ELMO3: variants seen among roughly 807,000 people sequenced by gnomAD.
ELMO3 encodes engulfment and cell motility 3, also known as engulfment and cell motility protein 3.
In ELMO3, 81 loss-of-function variants were observed where a neutral mutation model predicts 89.0. That is an observed-to-expected ratio of 0.91 (90% CI 0.76 to 1.09). ELMO3 has a LOEUF of 1.09. ELMO3 is among the 50% of genes least tolerant of loss of function. ELMO3 has a pLI of 0.00. For missense variants in ELMO3, 959 were observed against 972.8 expected, an observed-to-expected ratio of 0.99 and a Z score of 0.19; for synonymous variants, 406 against 400.6, an observed-to-expected ratio of 1.01 and a Z score of -0.16.
Position 67,200,209 on chromosome 16 carries a change from G to T in ELMO3, c.261G>T (p.Gln87His). 6.2e-7 allele frequency: 1 copy of T among 1,613,130 alleles called. No individual in the cohort carries two copies. Among genetic ancestry groups the T allele is most frequent in the Non-Finnish European group, 8.5e-7 (1 of 1,179,598 alleles). Residue 87 changes from glutamine to histidine, a missense_variant, in exon 5 of 20, where the codon CAG becomes CAT. Coordinates refer to ENST00000393997, the MANE Select transcript of ELMO3 (RefSeq NM_024712.5). ...LSTAPDLEAE[Q>H]LLGGLQSNSP... ...CCTGCCAGGACCTTGAGGCTGAGCA[G>T]CTCTTGGGTGGGCTGCAGAGTAACA...
rs769648209 is a variant in ELMO3, at chr16:67,203,779, G to A, written c.2065G>A (p.Glu689Lys). 6.2e-7 allele frequency: 1 copy of A among 1,613,014 alleles called. No homozygotes were observed. Among genetic ancestry groups the A allele is most frequent in the South Asian group, 1.1e-5 (1 of 91,062 alleles). ...CATGGAGACCAAGCTGCGTCTGCTG[G>A]AGCTGGAGAACGTGCCCATCCCCGA... is the stretch of plus-strand genomic sequence containing the variant. The part of the protein sequence containing the change: ...LTMETKLRLL[E>K]LENVPIPERP... Residue 689 changes from glutamate (E) to lysine (K), a missense_variant, in exon 20 of 20, where the codon GAG becomes AAG. Glu to Lys is a moderately conservative substitution (Grantham distance 56). Coordinates refer to ENST00000393997, the MANE Select transcript of ELMO3 (RefSeq NM_024712.5). This position sits in a 1 kb window ranked among gnomAD's most constrained non-coding sequence, Gnocchi z 4.6.
Position 67,203,500 on chromosome 16 carries a change from C to T in ELMO3, c.1867C>T (p.Leu623Phe). ...EKGSGKQNKD[L>F]YELAFSISYD... ...CCCCGCTCCCTTGCTTCCCCAGGAC[C>T]TCTATGAGTTGGCCTTCTCAATCAG... is the stretch of plus-strand genomic sequence containing the variant. The change falls in exon 19 of 20, where the codon CTC becomes TTC. Residue 623 changes from leucine (L) to phenylalanine (F), a missense_variant. Transcript: ENST00000393997. The surrounding 1 kb of genome is among the most constrained non-coding windows in gnomAD (Gnocchi z 4.6). The T allele has an allele frequency of 6.2e-7, 1 of 1,614,040 alleles. No homozygotes were observed. The highest frequency in any genetic ancestry group is 8.5e-7 in the Non-Finnish European group (1 of 1,179,992).
chr16:67,203,277 GC>G lies in ELMO3; in HGVS notation c.1781-46del. Reference sequence around the variant, plus strand: ...ACCTGCTCTCCCCAGACCGCCCTGGGCCCCGGGGCTGCCAGGGCTGCAGTGC... The same window carrying G: ...ACCTGCTCTCCCCAGACCGCCCTGGGCCCGGGGCTGCCAGGGCTGCAGTGC... On this transcript the variant is annotated intron_variant, in intron 17 of 19. Coordinates refer to ENST00000393997, the MANE Select transcript of ELMO3 (RefSeq NM_024712.5). The surrounding 1 kb of genome is among the most constrained non-coding windows in gnomAD (Gnocchi z 4.6). 6.3e-7 allele frequency: 1 copy of G among 1,588,964 alleles called. No individual in the cohort carries two copies. Among genetic ancestry groups the G allele is most frequent in the East Asian group, 2.3e-5 (1 of 44,040 alleles).
chr16:67,199,391 T>C lies in ELMO3; in HGVS notation c.65T>C (p.Ile22Thr). ...IKMRDAIPQL[I>T]QLDQAKPLAA... ...ATGCGTGACGCCATCCCGCAGCTCA[T>C]CCAGCTGGACCAGGTCACCCGGCTG... The change falls in exon 1 of 20, where the codon ATC (isoleucine) becomes ACC (threonine). Residue 22 changes from isoleucine (I) to threonine (T), a missense_variant. Transcript: ENST00000393997. The C allele has an allele frequency of 6.2e-7, 1 of 1,606,798 alleles. No homozygotes were observed. Among genetic ancestry groups the C allele is most frequent in the Non-Finnish European group, 8.5e-7 (1 of 1,178,992 alleles).
intron 4 of ELMO3, 26 bp from the exon 5 acceptor site, chr16:67,200,166 C>T: frequency 6.2e-7 from 1 of 1,604,262 alleles, no homozygotes; most frequent in South Asian, 1.1e-5. Context: ...GCCTCTTCAC[C>T]TCTGCTCCTG....
rs531313149 is a variant in ELMO3, at chr16:67,200,692, C to T, written c.549C>T (p.Ala183=). ...VCYVNMNLMD[A]SVPPLALGLL... ...ACGTGAACATGAACCTCATGGATGC[C>T]TCCGTGCCTCCCCTGGCCCTTGGGC... The change falls in exon 7 of 20, where the codon GCC becomes GCT. Residue 183 remains alanine, a synonymous_variant. Coordinates refer to ENST00000393997, the MANE Select transcript of ELMO3 (RefSeq NM_024712.5). 1 of 1,613,556 alleles carries T rather than the reference C, an allele frequency of 6.2e-7. No homozygotes were observed. The highest frequency in any genetic ancestry group is 8.5e-7 in the Non-Finnish European group (1 of 1,179,996).
chr16:67,200,128 C>G, intron 4 of ELMO3, 64 bp from the exon 5 acceptor site: 1 of 1,588,556 alleles, frequency 6.3e-7, no homozygotes, highest in Non-Finnish European at 8.6e-7. Flanking sequence ...GGGCCGCACA[C>G]TTCCAGGTCC....
At chr16:67,201,679 TTA>T (rs1408266610) in intron 10 of ELMO3, 37 bp downstream of exon 10, 1 of 1,608,882 alleles carries the variant, frequency 6.2e-7, no homozygotes, top group Non-Finnish European at 8.5e-7. Context: ...AGGGGGTGGC[TTA>T]GAGCTTGGCC....
rs1186115135 is a variant in ELMO3, at chr16:67,200,421, C to T, written c.414-30C>T. 3 of 1,611,120 alleles carry T rather than the reference C, an allele frequency of 1.9e-6. No homozygotes were observed. The African/African-American group carries it at 4.0e-5, about 22-fold the overall frequency. On this transcript the variant is annotated intron_variant, in intron 5 of 19. Coordinates refer to ENST00000393997, the MANE Select transcript of ELMO3 (RefSeq NM_024712.5). ...TGGGTCTTTCTGGTCCTGGGGTGGT[C>T]CTGCTCAGCCCCAGATGTCCCCCCT...
At chr16:67,200,615 T>A (rs1262637161) in intron 6 of ELMO3, 42 bp from the exon 7 acceptor site, 1 of 1,609,930 alleles carries the variant, frequency 6.2e-7, no homozygotes, top group African/African-American at 1.3e-5. Context: ...GTAGACCCGG[T>A]CTTCCATGGG....
Position 67,201,392 on chromosome 16 carries a change from T to G in ELMO3, c.752T>G (p.Leu251Arg). ...GASPVERKHMLDYLWQRNLRQ... is the reference protein window; with the variant it reads ...GASPVERKHMRDYLWQRNLRQ... ...TTCTTTCTACCCCCTCAGCACATGC[T>G]TGACTATCTTTGGCAGAGGAACCTT... Residue 251 changes from leucine (L) to arginine (R), a missense_variant, in exon 9 of 20, where the codon CTT becomes CGT. Coordinates refer to ENST00000393997, the MANE Select transcript of ELMO3 (RefSeq NM_024712.5). The G allele has an allele frequency of 6.2e-7, 1 of 1,613,992 alleles. No homozygotes were observed. Among genetic ancestry groups the G allele is most frequent in the South Asian group, 1.1e-5 (1 of 91,086 alleles).
rs745330039 is a variant in ELMO3 at position 67,201,885 on chromosome 16, C to G, written c.1050+12C>G. ...AACTGGGCTTTTCTGTGAGTATCAC[C>G]CCTACCCAACTCCCCACCCCTGCCT... is the stretch of plus-strand genomic sequence containing the variant. On this transcript the variant is annotated intron_variant, in intron 11 of 19. Coordinates refer to ENST00000393997, the MANE Select transcript of ELMO3 (RefSeq NM_024712.5). The G allele has an allele frequency of 5.6e-6, 9 of 1,603,802 alleles. No homozygotes were observed. The African/African-American group carries it at 9.4e-5, about 17-fold the overall frequency.
At chr16:67,201,926 G>C in intron 11 of ELMO3, 51 bp from the exon 12 acceptor site, 1 of 1,605,344 alleles carries the variant, frequency 6.2e-7, no homozygotes, top group Non-Finnish European at 8.5e-7. Flanking sequence ...CAGGGCTGTT[G>C]TTCCAGGCGG....
intron 8 of ELMO3, 96 bp from the exon 9 acceptor site, chr16:67,201,289 C>T: frequency 7.2e-6 from 11 of 1,532,284 alleles, no homozygotes; most frequent in Non-Finnish European, 9.8e-6. Flanking sequence ...CATCTCCTGA[C>T]CTCGTGATCC....
chr16:67,203,089 A>ACT lies in ELMO3; in HGVS notation c.1676-27_1676-26dup. The ACT allele has an allele frequency of 6.3e-7, 1 of 1,594,728 alleles. No homozygotes were observed. Among genetic ancestry groups the ACT allele is most frequent in the Non-Finnish European group, 8.5e-7 (1 of 1,171,614 alleles). On this transcript the variant is annotated intron_variant, in intron 16 of 19. Transcript: ENST00000393997. The surrounding 1 kb of genome is among the most constrained non-coding windows in gnomAD (Gnocchi z 4.6). ...TGGCTTGGTGTCAGGACCTCTCAGC[A>ACT]CTCTGGCCCTCTTCCCTTTCTCCAC... is the stretch of plus-strand genomic sequence containing the variant.
rs545483773 is a variant in ELMO3 at position 67,202,099 on chromosome 16, G to C, written c.1152+21G>C. On this transcript the variant is annotated intron_variant, in intron 12 of 19. Transcript: ENST00000393997. Reference sequence around the variant, plus strand: ...GCCGGGTCGGTGACAGGGTAGGGTGGGGGGGTGGCAGCATCCCCCAGGCAG... The same window carrying C: ...GCCGGGTCGGTGACAGGGTAGGGTGCGGGGGTGGCAGCATCCCCCAGGCAG... 4 of 1,611,114 alleles carry C rather than the reference G, an allele frequency of 2.5e-6. No homozygotes were observed. In the African/African-American group the frequency reaches 4.0e-5, roughly 16 times the overall value.
chr16:67,199,619 C>A (rs766245209), intron 2 of ELMO3, 26 bp downstream of exon 2: 7 of 1,608,262 alleles, frequency 4.4e-6, no homozygotes, highest in Non-Finnish European at 5.9e-6. Flanking sequence ...CCAGGGCCTG[C>A]GGAGGGCGGG....
Position 67,203,902 on chromosome 16 carries a change from G to C in ELMO3, c.*25G>C. The C allele has an allele frequency of 1.3e-6, 2 of 1,523,596 alleles. No individual in the cohort carries two copies. Among genetic ancestry groups the C allele is most frequent in the African/African-American group, 1.4e-5 (1 of 73,624 alleles). The allele number at this position is 1,523,596 out of a possible 1,614,324, so 94.4% of individuals were successfully genotyped here. On this transcript the variant is annotated 3_prime_UTR_variant, in exon 20 of 20. Transcript: ENST00000393997. The surrounding 1 kb of genome is among the most constrained non-coding windows in gnomAD (Gnocchi z 4.6). ...ACAGTGTGGCTGGCCATGGGCCACAGCTGCGGCCACTGCAGCAGCCATGAA... is the reference window on the plus strand; with the variant it reads ...ACAGTGTGGCTGGCCATGGGCCACACCTGCGGCCACTGCAGCAGCCATGAA...
In ELMO3 at chr16:67,201,993, A is replaced by G. The variant is rs1448716950; in HGVS notation, c.1067A>G (p.Gln356Arg). Residue 356 changes from glutamine to arginine, a missense_variant, in exon 12 of 20, where the codon CAG (glutamine) becomes CGG (arginine). Coordinates refer to ENST00000393997, the MANE Select transcript of ELMO3 (RefSeq NM_024712.5). The stretch of plus-strand genomic sequence containing the variant: ...TTCCCCCAGAACAGCAACCCAGCAC[A>G]GGACCTGGAGCGCGTGCCCCCCGGT... ...KLGFSNSNPA[Q>R]DLERVPPGLL... 2 of 1,612,284 alleles carry G rather than the reference A, an allele frequency of 1.2e-6. No homozygotes were observed. Among genetic ancestry groups the G allele is most frequent in the Admixed American group, 1.7e-5 (1 of 59,980 alleles).
Sources: gnomAD v4.1 joint callset for allele counts on GRCh38, gnomAD v4.1.1 for gene constraint, Gnocchi (gnomAD v3.1) non-coding constraint, MANE v1.5 for transcripts, NCBI Gene and HGNC (gene_info 2026-07-23, HGNC 2026-07-21) for gene names.